FMN2: variants seen among roughly 807,000 people sequenced by gnomAD.
FMN2 encodes formin-2.
Under a neutral mutation model 142.3 loss-of-function variants are expected in FMN2, and 51 were observed. The observed-to-expected ratio is 0.36, with a 90% CI of 0.29 to 0.45. The LOEUF is 0.45. FMN2 is among the 20% of genes least tolerant of loss of function. FMN2 has a pLI of 1.00. For synonymous variants in FMN2, 882 were observed against 869.8 expected (o/e 1.01, Z -0.25); for missense variants, 1,936 against 2,122.8 (o/e 0.91, Z 1.73).
At chr1:240,312,942 G>A (rs975448791) in intron 8 of FMN2, among the ~76,000 whole-genome samples, 2 of 152,188 alleles carry the variant, frequency 1.3e-5, no homozygotes, top group African/African-American at 4.8e-5. Flanking sequence ...AAAGACTTAA[G>A]AGATTATTTT....
chr1:240,183,619 G>C (rs774343749), intron 3 of FMN2, among the ~76,000 whole-genome samples: 1 of 151,500 alleles, frequency 6.6e-6, no homozygotes, highest in Admixed American at 6.6e-5. Flanking sequence ...TTTCTCCTGC[G>C]CTAACTAGAG....
intron 1 of FMN2, among the ~76,000 whole-genome samples, chr1:240,097,437 G>A (rs1023121643): frequency 1.3e-5 from 2 of 150,508 alleles, no homozygotes; most frequent in East Asian, 4.0e-4. Context: ...CTCACTGCAA[G>A]CTCCGCCTCC....
chr1:240,441,808 G>C (rs989691591), intron 16 of FMN2, among the ~76,000 whole-genome samples: 1 of 151,720 alleles, frequency 6.6e-6, no homozygotes, highest in Non-Finnish European at 1.5e-5. Context: ...CTGACTTGTT[G>C]CATCATTACC....
chr1:240,152,243 C>T (rs1373007730), intron 2 of FMN2, among the ~76,000 whole-genome samples: 1 of 151,836 alleles, frequency 6.6e-6, no homozygotes, highest in Non-Finnish European at 1.5e-5. Context: ...CCTCTGTCTT[C>T]TCTAGGCCCT....
At chr1:240,103,564 C>T (rs1661485533) in intron 1 of FMN2, among the ~76,000 whole-genome samples, 1 of 152,208 alleles carries the variant, frequency 6.6e-6, no homozygotes, top group African/African-American at 2.4e-5. Flanking sequence ...CCATCCTTCT[C>T]ATACTTCACA....
intron 6 of FMN2, among the ~76,000 whole-genome samples, chr1:240,221,077 A>C (rs932315313): frequency 6.6e-6 from 1 of 152,146 alleles, no homozygotes; most frequent in Admixed American, 6.5e-5. Context: ...ATTGTATTCC[A>C]TGGTGTATAT....
intron 6 of FMN2, among the ~76,000 whole-genome samples, chr1:240,217,307 A>G (rs916371168): frequency 1.3e-5 from 2 of 152,212 alleles, no homozygotes; most frequent in African/African-American, 4.8e-5. Context: ...GACAGACTGA[A>G]TGATAATTTG....
chr1:240,255,132 A>G (rs1668407171), intron 6 of FMN2, among the ~76,000 whole-genome samples: 1 of 152,108 alleles, frequency 6.6e-6, no homozygotes, highest in Non-Finnish European at 1.5e-5. Flanking sequence ...GGAGAACCTT[A>G]ATCACATTAG....
chr1:240,467,297 C>CA (rs1676654866), intron 16 of FMN2, among the ~76,000 whole-genome samples: 1 of 138,696 alleles, frequency 7.2e-6, no homozygotes, highest in Admixed American at 7.0e-5. Context: ...TTTTTTGAGA[C>CA]AGAGTCTCAC....
chr1:240,346,399 T>A (rs1671908948), intron 13 of FMN2, among the ~76,000 whole-genome samples: 1 of 152,116 alleles, frequency 6.6e-6, no homozygotes. Context: ...CCTCTTAAAA[T>A]GCGGTAATAT....
chr1:240,399,826 G>C (rs895803908), intron 15 of FMN2, among the ~76,000 whole-genome samples: 8 of 152,048 alleles, frequency 5.3e-5, no homozygotes, highest in African/African-American at 1.9e-4. Context: ...AATACATGAA[G>C]ACTAGGGGCC....
chr1:240,180,502 T>C (rs1482245596), intron 3 of FMN2, among the ~76,000 whole-genome samples: 4 of 151,784 alleles, frequency 2.6e-5, no homozygotes, highest in Non-Finnish European at 4.4e-5. Context: ...TGTAGTTAAC[T>C]GATAGGTGCA....
chr1:240,129,404 T>A (rs186184392), intron 2 of FMN2, among the ~76,000 whole-genome samples: 1 of 152,266 alleles, frequency 6.6e-6, no homozygotes. Flanking sequence ...TGATACTTAA[T>A]TTTTTCAGAC....
At chr1:240,381,171 G>A (rs138295654) in intron 14 of FMN2, among the ~76,000 whole-genome samples, 180 of 152,212 alleles carry the variant, frequency 1.2e-3, no homozygotes, top group African/African-American at 3.9e-3. Context: ...AAAACAGTAT[G>A]ACCCTGGTAC....
At chr1:240,299,494 G>T (rs1670117235) in intron 8 of FMN2, among the ~76,000 whole-genome samples, 1 of 152,094 alleles carries the variant, frequency 6.6e-6, no homozygotes, top group Admixed American at 6.6e-5. Flanking sequence ...CAGAGACTCA[G>T]AAGTGATACC....
At chr1:240,250,038 C>T (rs1424778822) in intron 6 of FMN2, among the ~76,000 whole-genome samples, 1 of 152,030 alleles carries the variant, frequency 6.6e-6, no homozygotes, top group Non-Finnish European at 1.5e-5. Flanking sequence ...TAAAGAGAAA[C>T]AGTTTGACTT....
intron 8 of FMN2, among the ~76,000 whole-genome samples, chr1:240,314,385 T>C (rs914586998): frequency 2.0e-5 from 3 of 152,176 alleles, no homozygotes; most frequent in Non-Finnish European, 4.4e-5. Context: ...CAGATTCACA[T>C]TTCCCTCAGA....
At chr1:240,158,609 C>A (rs1003945204) in intron 2 of FMN2, among the ~76,000 whole-genome samples, 3 of 152,076 alleles carry the variant, frequency 2.0e-5, no homozygotes, top group Non-Finnish European at 4.4e-5. Context: ...CCCCCCACCA[C>A]GCCTGAATTT....
At chr1:240,167,816 C>G (rs909513511) in intron 2 of FMN2, among the ~76,000 whole-genome samples, 6 of 152,118 alleles carry the variant, frequency 3.9e-5, no homozygotes, top group Admixed American at 6.5e-5. Context: ...GTGGCTCACA[C>G]CTGTAATCCC....
Sources: gnomAD v4.1 joint callset for allele counts (sites outside exome capture counted in the v4.1 genomes callset) on GRCh38, gnomAD v4.1.1 for gene constraint, MANE v1.5 for transcripts, NCBI Gene and HGNC (gene_info 2026-07-23, HGNC 2026-07-21) for gene names.